MYO1D: variants seen among roughly 807,000 people sequenced by gnomAD.
The protein encoded by MYO1D is unconventional myosin-Id.
MYO1D carries 83 observed loss-of-function variants against 122.0 expected under a neutral mutation model. That is an observed-to-expected ratio of 0.68 (90% confidence interval 0.57 to 0.82). The LOEUF is 0.82. Ranked by LOEUF, MYO1D falls within the 40% of genes least tolerant of loss-of-function variation. MYO1D has a pLI of 0.00. For synonymous variants in MYO1D, 464 were observed against 446.9 expected, an observed-to-expected ratio of 1.04 and a Z score of -0.48; for missense variants, 1,157 against 1,269.5, an observed-to-expected ratio of 0.91 and a Z score of 1.35.
At chr17:32,523,032 G>T (rs149001532) in intron 21 of MYO1D, among the ~76,000 whole-genome samples, 35 of 152,280 alleles carry the variant, frequency 2.3e-4, no homozygotes, top group Middle Eastern at 3.4e-3. Context: ...AGCCAGGATG[G>T]TCTCGATCTC....
intron 17 of MYO1D, among the ~76,000 whole-genome samples, chr17:32,655,851 C>T (rs2088469372): frequency 6.6e-6 from 1 of 152,156 alleles, no homozygotes; most frequent in African/African-American, 2.4e-5. Flanking sequence ...TTCCGAAACA[C>T]ACATGCTAGA....
intron 16 of MYO1D, chr17:32,659,559 T>C: frequency 3.5e-6 from 2 of 573,670 alleles, no homozygotes; most frequent in Non-Finnish European, 6.2e-6. Flanking sequence ...TGCTCATTAT[T>C]CTACACTGAA....
intron 21 of MYO1D, among the ~76,000 whole-genome samples, chr17:32,515,633 T>C (rs1909865686): frequency 6.6e-6 from 1 of 152,192 alleles, no homozygotes; most frequent in African/African-American, 2.4e-5. Flanking sequence ...GCTTTCTTCT[T>C]GGGGCTGACG....
intron 21 of MYO1D, among the ~76,000 whole-genome samples, chr17:32,505,892 A>G (rs1426433864): frequency 6.6e-6 from 1 of 152,192 alleles, no homozygotes; most frequent in Non-Finnish European, 1.5e-5. Context: ...TCTATCCCCA[A>G]ACTGTCATCT....
intron 21 of MYO1D, among the ~76,000 whole-genome samples, chr17:32,597,605 C>T (rs2087509797): frequency 6.6e-6 from 1 of 152,038 alleles, no homozygotes; most frequent in African/African-American, 2.4e-5. Flanking sequence ...AACTTCTTGC[C>T]AGGTGCTTGT....
chr17:32,808,992 T>C (rs1174723280), intron 1 of MYO1D, among the ~76,000 whole-genome samples: 2 of 152,194 alleles, frequency 1.3e-5, no homozygotes, highest in Non-Finnish European at 1.5e-5. Context: ...TGTGTACGTA[T>C]ACGTACATAT....
At chr17:32,508,432 C>T (rs112576254) in intron 21 of MYO1D, among the ~76,000 whole-genome samples, 35 of 151,984 alleles carry the variant, frequency 2.3e-4, no homozygotes, top group Middle Eastern at 3.4e-3. Flanking sequence ...CACACCACCA[C>T]GCCCAGCTAA....
At chr17:32,558,647 GAGAGGATAT>G (rs748310925) in intron 21 of MYO1D, among the ~76,000 whole-genome samples, 55 of 152,246 alleles carry the variant, frequency 3.6e-4, no homozygotes, top group Non-Finnish European at 6.2e-4. Flanking sequence ...CCAGGGAGAT[GAGAGGATAT>G]AGAGGTCATT....
intron 19 of MYO1D, among the ~76,000 whole-genome samples, chr17:32,645,825 T>C (rs879378028): frequency 7.5e-4 from 114 of 152,202 alleles, no homozygotes; most frequent in Non-Finnish European, 1.5e-3. Flanking sequence ...TCAAGGTTTT[T>C]AACTTCTTTG....
At chr17:32,704,979 A>C (rs2089288576) in intron 16 of MYO1D, among the ~76,000 whole-genome samples, 1 of 152,136 alleles carries the variant, frequency 6.6e-6, no homozygotes, top group African/African-American at 2.4e-5. Flanking sequence ...TAAATTATCC[A>C]CTATAAAATC....
intron 21 of MYO1D, among the ~76,000 whole-genome samples, chr17:32,521,118 G>C (rs1910122894): frequency 1.3e-5 from 2 of 152,352 alleles, no homozygotes; most frequent in South Asian, 2.1e-4. Context: ...ATCCGACCTT[G>C]AGTTCAGCTT....
In MYO1D at chr17:32,494,635, CGGGGCTCCTCTGGGA is replaced by C. The variant is rs1415823187; in HGVS notation, c.*109_*123del. 8.9e-7 allele frequency: 1 copy of C among 1,123,196 alleles called. No individual in the cohort carries two copies. The highest frequency in any genetic ancestry group is 2.6e-5 in the East Asian group (1 of 38,426). The allele number at this position is 1,123,196 out of a possible 1,614,324, so 69.6% of individuals were successfully genotyped here. ...AACCAGGAAGGAAATCTTACAGGGG[CGGGGCTCCTCTGGGA>C]GGGGCCCTCGCAGCAGGTTTCTAGC... On this transcript the variant is annotated 3_prime_UTR_variant, in exon 22 of 22. Transcript: ENST00000318217.
At chr17:32,582,826 T>C (rs2087354340) in intron 21 of MYO1D, among the ~76,000 whole-genome samples, 1 of 152,218 alleles carries the variant, frequency 6.6e-6, no homozygotes, top group Non-Finnish European at 1.5e-5. Context: ...GAAATTCTTT[T>C]AGGGCCATAT....
intron 10 of MYO1D, chr17:32,759,965 C>A: frequency 2.0e-6 from 1 of 504,434 alleles, no homozygotes. Flanking sequence ...AAAGTTCAGC[C>A]AATTTAAGGT....
At chr17:32,776,951 G>A (rs1439308690) in intron 3 of MYO1D, among the ~76,000 whole-genome samples, 1 of 152,166 alleles carries the variant, frequency 6.6e-6, no homozygotes, top group East Asian at 1.9e-4. Flanking sequence ...AAGATCTACT[G>A]TTACTCCCGC....
intron 21 of MYO1D, among the ~76,000 whole-genome samples, chr17:32,571,125 T>G (rs2087222858): frequency 6.6e-6 from 1 of 152,080 alleles, no homozygotes; most frequent in Non-Finnish European, 1.5e-5. Context: ...TAAAGGGTGT[T>G]TCTACCACTG....
At chr17:32,778,294 A>C (rs1180974884) in intron 3 of MYO1D, among the ~76,000 whole-genome samples, 186 bp downstream of exon 3, 1 of 152,250 alleles carries the variant, frequency 6.6e-6, no homozygotes, top group Non-Finnish European at 1.5e-5. Context: ...AAATGGATAC[A>C]GTGAAATAAA....
At chr17:32,719,903 T>A (rs188431481) in intron 15 of MYO1D, among the ~76,000 whole-genome samples, 7 of 152,316 alleles carry the variant, frequency 4.6e-5, no homozygotes, top group Admixed American at 2.6e-4. Flanking sequence ...ACATTTGGCA[T>A]CTAAAATGCC....
At chr17:32,580,490 A>G (rs1597909465) in intron 21 of MYO1D, among the ~76,000 whole-genome samples, 1 of 147,398 alleles carries the variant, frequency 6.8e-6, no homozygotes. Context: ...GCTCACTGCA[A>G]CCTCTGCCTC....
Sources: allele counts gnomAD v4.1 joint callset (sites outside exome capture counted in the v4.1 genomes callset), GRCh38; gene constraint gnomAD v4.1.1; transcripts MANE v1.5; gene names NCBI Gene and HGNC (gene_info 2026-07-23, HGNC 2026-07-21).